UGT2A1: variants seen among roughly 807,000 people sequenced by gnomAD.
The protein encoded by UGT2A1 is UDP-glucuronosyltransferase 2A1.
A neutral mutation model predicts 45.4 loss-of-function variants in UGT2A1; 61 were observed. The ratio of observed to expected loss-of-function variants is 1.34; its 90% CI spans 1.09 to 1.66. UGT2A1 has a LOEUF of 1.66. Ranked by LOEUF, UGT2A1 falls within the 40% of genes most tolerant of loss-of-function variation. The pLI is 0.00. For missense variants in UGT2A1, 649 were observed against 574.3 expected (o/e 1.13, Z -1.33); for synonymous variants, 229 against 196.2 (o/e 1.17, Z -1.40).
intron 2 of UGT2A1, among the ~76,000 whole-genome samples, chr4:69,640,150 A>C (rs1277516837): frequency 6.6e-6 from 1 of 151,996 alleles, no homozygotes; most frequent in African/African-American, 2.4e-5. Context: ...CTGGAACTCC[A>C]AAGAATCACA....
chr4:69,652,086 A>G (rs920159003), intron 1 of UGT2A1, among the ~76,000 whole-genome samples: 5 of 152,108 alleles, frequency 3.3e-5, no homozygotes, highest in Non-Finnish European at 5.9e-5. Flanking sequence ...CATCTGCCTG[A>G]TGCCCCCCAG....
chr4:69,624,593 G>T (rs1399994905), intron 3 of UGT2A1, among the ~76,000 whole-genome samples: 4 of 150,630 alleles, frequency 2.7e-5, no homozygotes, highest in African/African-American at 7.3e-5. Context: ...GATCCTAGTT[G>T]ATTTTTTTTA....
chr4:69,618,766 C>A (rs1051159206), intron 3 of UGT2A1, among the ~76,000 whole-genome samples: 1 of 151,748 alleles, frequency 6.6e-6, no homozygotes, highest in Non-Finnish European at 1.5e-5. Flanking sequence ...ACTCCAATAC[C>A]TTTATTGGTT....
intron 2 of UGT2A1, chr4:69,639,282 A>G: frequency 6.2e-7 from 1 of 1,613,696 alleles, no homozygotes; most frequent in Middle Eastern, 1.7e-4. Context: ...AAGTTTTCCT[A>G]GTTCTTTGTA....
At chr4:69,609,179 G>A (rs949359116) in intron 3 of UGT2A1, among the ~76,000 whole-genome samples, 15 of 139,260 alleles carry the variant, frequency 1.1e-4, no homozygotes, top group Admixed American at 5.1e-4. Flanking sequence ...TTGACACAGC[G>A]TTTTTCTCTG....
intron 3 of UGT2A1, among the ~76,000 whole-genome samples, chr4:69,632,351 T>C (rs994855279): frequency 6.6e-6 from 1 of 152,018 alleles, no homozygotes; most frequent in Non-Finnish European, 1.5e-5. Context: ...TTTCCACAAG[T>C]AGGGAAATTC....
At chr4:69,639,201 C>A (rs766599220) in intron 2 of UGT2A1, 1 of 1,613,698 alleles carries the variant, frequency 6.2e-7, no homozygotes. Context: ...TTTCTGAAGT[C>A]TTGCCATCAA....
intron 2 of UGT2A1, among the ~76,000 whole-genome samples, chr4:69,646,318 T>C (rs974619282): frequency 1.3e-5 from 2 of 151,862 alleles, no homozygotes; most frequent in Non-Finnish European, 2.9e-5. Flanking sequence ...AGGCTTTTAT[T>C]CTAGTACCAT....
intron 3 of UGT2A1, among the ~76,000 whole-genome samples, chr4:69,611,253 C>A (rs1720027776): frequency 8.7e-6 from 1 of 115,596 alleles, no homozygotes; most frequent in Non-Finnish European, 1.9e-5. Flanking sequence ...TCAAGCAATC[C>A]TCCTACCTCA....
chr4:69,626,897 G>T, intron 3 of UGT2A1, among the ~76,000 whole-genome samples: 1 of 151,378 alleles, frequency 6.6e-6, no homozygotes, highest in Non-Finnish European at 1.5e-5. Flanking sequence ...TTTTGAAATG[G>T]CTCCATCATT....
At chr4:69,610,360 C>T (rs1271202284) in intron 3 of UGT2A1, among the ~76,000 whole-genome samples, 1 of 152,026 alleles carries the variant, frequency 6.6e-6, no homozygotes, top group Admixed American at 6.6e-5. Flanking sequence ...GGGTACAAAT[C>T]ATTTCATTTT....
chr4:69,613,217 C>T (rs1188495825), intron 3 of UGT2A1, among the ~76,000 whole-genome samples: 3 of 151,630 alleles, frequency 2.0e-5, no homozygotes, highest in Non-Finnish European at 4.4e-5. Flanking sequence ...GACATATAGA[C>T]CAATGGAATA....
At chr4:69,591,469 G>A (rs1718596437) in intron 6 of UGT2A1, among the ~76,000 whole-genome samples, 1 of 152,106 alleles carries the variant, frequency 6.6e-6, no homozygotes, top group Non-Finnish European at 1.5e-5. Flanking sequence ...AAAGGATTGT[G>A]GAGATCCAAG....
intron 1 of UGT2A1, among the ~76,000 whole-genome samples, chr4:69,652,622 A>T (rs1275884929): frequency 6.6e-6 from 1 of 152,072 alleles, no homozygotes; most frequent in Non-Finnish European, 1.5e-5. Flanking sequence ...AACTTATTTG[A>T]TTTATAGCAT....
intron 3 of UGT2A1, among the ~76,000 whole-genome samples, chr4:69,605,383 G>C (rs1258107653): frequency 7.3e-6 from 1 of 136,700 alleles, no homozygotes; most frequent in African/African-American, 3.0e-5. Flanking sequence ...CGACAACAAA[G>C]ACACAACATA....
At chr4:69,643,854 A>G (rs1411180254) in intron 2 of UGT2A1, among the ~76,000 whole-genome samples, 1 of 151,646 alleles carries the variant, frequency 6.6e-6, no homozygotes, top group African/African-American at 2.4e-5. Context: ...GATCAATTCA[A>G]ATTACAAATT....
intron 6 of UGT2A1, among the ~76,000 whole-genome samples, chr4:69,593,771 C>T (rs1718723067): frequency 6.6e-6 from 1 of 151,602 alleles, no homozygotes; most frequent in Admixed American, 6.6e-5. Flanking sequence ...ATGGTATATA[C>T]TCAGTGTGAA....
At chr4:69,597,585 G>T (rs560305926) in intron 4 of UGT2A1, among the ~76,000 whole-genome samples, 2 of 152,120 alleles carry the variant, frequency 1.3e-5, no homozygotes, top group African/African-American at 4.8e-5. Context: ...CTAGGGGAGG[G>T]TGATATCTTA....
chr4:69,603,630 A>G (rs62306488), intron 3 of UGT2A1: 24,960 of 135,768 alleles, frequency 0.18, 6,051 homozygotes, highest in Non-Finnish European at 0.22. Context: ...AGCTACAGGA[A>G]GAAGTTCAAA....
Sources: allele counts gnomAD v4.1 joint callset (sites outside exome capture counted in the v4.1 genomes callset), GRCh38; gene constraint gnomAD v4.1.1; transcripts MANE v1.5; gene names NCBI Gene and HGNC (gene_info 2026-07-23, HGNC 2026-07-21).